Variants in PDE11A observed in about 807,000 individuals in gnomAD.
PDE11A encodes phosphodiesterase 11A.
A neutral mutation model predicts 100.5 loss-of-function variants in PDE11A; 100 were observed. That is an observed-to-expected ratio of 1.00 (90% CI 0.85 to 1.18). The LOEUF (loss-of-function observed/expected upper bound fraction) is 1.18. Among genes scored for constraint, PDE11A ranks in the 50% most tolerant of loss-of-function variants. The pLI, the probability that PDE11A is intolerant of heterozygous loss-of-function variation, is 0.00. For synonymous variants in PDE11A, 381 were observed against 420.8 expected (o/e 0.91, Z 1.16); for missense variants, 1,141 against 1,152.6 (o/e 0.99, Z 0.15).
intron 19 of PDE11A, among the ~76,000 whole-genome samples, chr2:177,658,657 C>A (rs551734849): frequency 7.2e-5 from 11 of 151,954 alleles, no homozygotes; most frequent in African/African-American, 2.7e-4. Context: ...TTCCTTTCAT[C>A]CACAAGAATA....
Position 178,072,571 on chromosome 2 carries a change from C to G in PDE11A, c.-134G>C, listed in dbSNP as rs564044534. On this transcript the variant is annotated 5_prime_UTR_variant, in exon 1 of 20. Transcript: ENST00000286063. ...AGCGCCACCTCCCCTGGAGATTATT[C>G]CCAGCAGTGGAATCTGGGAGATGCC... The G allele has an allele frequency of 2.6e-6, 4 of 1,532,024 alleles. No homozygotes were observed. In the South Asian group the frequency reaches 4.8e-5, roughly 18 times the overall value. 94.9% of individuals were successfully genotyped at this position (1,532,024 alleles called of 1,614,324 possible). A position where few individuals can be genotyped will look rare whatever the true frequency, so the allele number is the denominator to read the frequency against.
At chr2:177,940,926 C>T (rs1179885905) in intron 2 of PDE11A, among the ~76,000 whole-genome samples, 1 of 152,122 alleles carries the variant, frequency 6.6e-6, no homozygotes, top group Admixed American at 6.5e-5. Flanking sequence ...CAAAGCTTTA[C>T]ATGACCATAT....
In PDE11A at chr2:178,102,342, GTCTTGAACTCCTGA is replaced by G. The variant is rs1396704817; in HGVS notation, c.162+1946_162+1959del. ...GGGTTTCACTCTGTTGGCCAGGCTGGTCTTGAACTCCTGACCTCGTGATCTGCCAACCTCGGCCT... is the reference window on the plus strand; with the variant it reads ...GGGTTTCACTCTGTTGGCCAGGCTGGCCTCGTGATCTGCCAACCTCGGCCT... On this transcript the variant is annotated intron_variant, in intron 2 of 20. Coordinates refer to the PDE11A transcript ENST00000358450. Among the ~76,000 whole-genome samples the G allele has an allele frequency of 7.9e-5, 12 of 151,532 alleles. No individual in the cohort carries two copies. The South Asian group carries it at 2.5e-3, about 32-fold the overall frequency.
intron 10 of PDE11A, among the ~76,000 whole-genome samples, chr2:177,756,423 C>CT (rs1553471467): frequency 6.6e-6 from 1 of 152,194 alleles, no homozygotes; most frequent in Non-Finnish European, 1.5e-5. Context: ...CTCTCACTCT[C>CT]TTCTCGTTCA....
intron 17 of PDE11A, among the ~76,000 whole-genome samples, chr2:177,671,136 A>C (rs1443076871): frequency 6.6e-6 from 1 of 152,214 alleles, no homozygotes; most frequent in African/African-American, 2.4e-5. Flanking sequence ...TTTGCATTAA[A>C]GAATGTAAAT....
chr2:177,763,309 C>T (rs2082194825), intron 10 of PDE11A, among the ~76,000 whole-genome samples: 1 of 152,098 alleles, frequency 6.6e-6, no homozygotes, highest in Non-Finnish European at 1.5e-5. Flanking sequence ...ATTCCAAAGG[C>T]GGGCACAGAA....
At chr2:177,969,840 T>C (rs1378072132) in intron 2 of PDE11A, among the ~76,000 whole-genome samples, 1 of 152,138 alleles carries the variant, frequency 6.6e-6, no homozygotes, top group African/African-American at 2.4e-5. Context: ...TCCAAGTAAA[T>C]ATTTTTGAAT....
At chr2:178,083,224 C>T (rs1399113592) in intron 2 of PDE11A, among the ~76,000 whole-genome samples, 1 of 151,840 alleles carries the variant, frequency 6.6e-6, no homozygotes, top group African/African-American at 2.4e-5. Context: ...CTCAGCCTCC[C>T]AAGCAGCTGG....
Position 178,071,945 on chromosome 2 carries a change from G to T in PDE11A, c.493C>A (p.Pro165Thr), listed in dbSNP as rs779068288. ...CTGAGAATATGGGCTGTGGTGGGGG[G>T]CAGGGAGCTTGCCTTCCGGAGAAGT... ...RALLRKASSL[P>T]PTTAHILSAL... is the part of the protein sequence containing the mutation. The change falls in exon 1 of 20, where the codon CCC becomes ACC. Residue 165 changes from proline to threonine, a missense_variant. Physicochemically the swap from Pro to Thr is conservative, Grantham distance 38. Coordinates refer to ENST00000286063, the MANE Select transcript of PDE11A (RefSeq NM_016953.4). The T allele has an allele frequency of 3.1e-6, 5 of 1,613,932 alleles. No individual in the cohort carries two copies. In the Admixed American group the frequency reaches 8.3e-5, roughly 27 times the overall value.
intron 1 of PDE11A, among the ~76,000 whole-genome samples, chr2:178,020,924 GGTGTGT>G (rs532087273): frequency 0.13 from 15,969 of 125,384 alleles, 1,010 homozygotes; most frequent in East Asian, 0.16. Context: ...TTTTTGTCTT[GGTGTGT>G]GTGTGTGTGT....
At chr2:177,830,414 A>C (rs926241819) in intron 6 of PDE11A, among the ~76,000 whole-genome samples, 2 of 152,044 alleles carry the variant, frequency 1.3e-5, no homozygotes, top group African/African-American at 4.8e-5. Flanking sequence ...AGCCTGGCCA[A>C]CATGGTGAAA....
intron 19 of PDE11A, among the ~76,000 whole-genome samples, chr2:177,632,691 T>C (rs2079970882): frequency 6.6e-6 from 1 of 152,216 alleles, no homozygotes; most frequent in Non-Finnish European, 1.5e-5. Flanking sequence ...GCATCATTCC[T>C]AATGCAGTAT....
chr2:178,031,714 C>G (rs2086550266), intron 1 of PDE11A, among the ~76,000 whole-genome samples: 1 of 152,114 alleles, frequency 6.6e-6, no homozygotes, highest in Admixed American at 6.5e-5. Flanking sequence ...GACTGACTCT[C>G]ATACATCAGT....
chr2:177,781,880 A>G (rs548121383), intron 9 of PDE11A, among the ~76,000 whole-genome samples: 10 of 152,174 alleles, frequency 6.6e-5, no homozygotes, highest in African/African-American at 2.2e-4. Context: ...TATGAAGCCA[A>G]CTCTCCAGTG....
intron 2 of PDE11A, chr2:177,953,015 G>C (rs528842381): frequency 6.3e-4 from 96 of 152,258 alleles, no homozygotes; most frequent in African/African-American, 2.2e-3. Flanking sequence ...TTTCAGATTT[G>C]TTGCCAAACC....
intron 5 of PDE11A, among the ~76,000 whole-genome samples, chr2:177,854,257 T>C (rs2083788717): frequency 6.6e-6 from 1 of 152,060 alleles, no homozygotes. Context: ...AGTGACAAGC[T>C]CATTGGTCTG....
intron 9 of PDE11A, among the ~76,000 whole-genome samples, chr2:177,798,009 C>CG (rs796744604): frequency 5.9e-5 from 9 of 152,238 alleles, no homozygotes; most frequent in African/African-American, 2.2e-4. Context: ...GATCTGACCC[C>CG]GGGTAGCTCT....
intron 2 of PDE11A, among the ~76,000 whole-genome samples, chr2:177,950,324 T>C (rs191540098): frequency 1.1e-4 from 17 of 152,284 alleles, no homozygotes; most frequent in Admixed American, 6.5e-4. Context: ...GTTTTAGCTC[T>C]CCTTCTTCTT....
intron 2 of PDE11A, among the ~76,000 whole-genome samples, chr2:178,090,752 T>A (rs530235837): frequency 6.6e-6 from 1 of 152,234 alleles, no homozygotes; most frequent in Non-Finnish European, 1.5e-5. Context: ...GCTCTGAAAC[T>A]GGCAACATCC....
Sources: gnomAD v4.1 joint callset for allele counts (sites outside exome capture counted in the v4.1 genomes callset) on GRCh38, gnomAD v4.1.1 for gene constraint, MANE v1.5 for transcripts, NCBI Gene and HGNC (gene_info 2026-07-23, HGNC 2026-07-21) for gene names.